Variants in KCNIP4 observed in about 807,000 individuals in gnomAD.
KCNIP4 encodes the protein potassium voltage-gated channel interacting protein 4, also known as Kv channel-interacting protein 4.
Under a neutral mutation model 34.0 loss-of-function variants are expected in KCNIP4, and 12 were observed. That is an observed-to-expected ratio of 0.35 (90% CI 0.23 to 0.57). KCNIP4 has a LOEUF of 0.57. Ranked by LOEUF, KCNIP4 falls within the 20% of genes least tolerant of loss-of-function variation. The pLI is 0.83. For missense variants in KCNIP4, 238 were observed against 311.7 expected (o/e 0.76, Z 1.78); for synonymous variants, 124 against 102.2 (o/e 1.21, Z -1.29).
At chr4:21,010,582 G>A in intron 1 of KCNIP4, among the ~76,000 whole-genome samples, 1 of 152,154 alleles carries the variant, frequency 6.6e-6, no homozygotes, top group Non-Finnish European at 1.5e-5. Flanking sequence ...TTGCAATCAA[G>A]TTAAGTGATC....
intron 1 of KCNIP4, among the ~76,000 whole-genome samples, chr4:21,465,796 AC>A (rs1183623558): frequency 6.6e-6 from 1 of 152,192 alleles, no homozygotes; most frequent in Non-Finnish European, 1.5e-5. Flanking sequence ...CATGCAAATA[AC>A]AATTCTTGGC....
intron 1 of KCNIP4, among the ~76,000 whole-genome samples, chr4:21,740,523 G>GC (rs1335092610): frequency 3.9e-5 from 6 of 152,130 alleles, no homozygotes; most frequent in Admixed American, 2.6e-4. Context: ...CAGAGAAGGA[G>GC]CCCCCCTTCA....
At chr4:20,737,447 A>G (rs1043516592) in intron 5 of KCNIP4, among the ~76,000 whole-genome samples, 4 of 151,292 alleles carry the variant, frequency 2.6e-5, no homozygotes, top group African/African-American at 9.7e-5. Flanking sequence ...AGTAAGAGTC[A>G]GAAATGGGCT....
intron 1 of KCNIP4, among the ~76,000 whole-genome samples, chr4:20,926,212 C>A (rs1187734924): frequency 6.6e-6 from 1 of 152,212 alleles, no homozygotes; most frequent in Non-Finnish European, 1.5e-5. Flanking sequence ...TTCAGGCCTG[C>A]TCTGTTAAGG....
At chr4:21,768,707 C>T (rs992191238) in intron 1 of KCNIP4, among the ~76,000 whole-genome samples, 1 of 152,040 alleles carries the variant, frequency 6.6e-6, no homozygotes, top group African/African-American at 2.4e-5. Context: ...AATTATTTCT[C>T]ATGGTACAAA....
intron 1 of KCNIP4, among the ~76,000 whole-genome samples, chr4:21,549,500 C>G (rs950467572): frequency 4.6e-5 from 7 of 151,936 alleles, no homozygotes; most frequent in Non-Finnish European, 1.0e-4. Flanking sequence ...ATATGACATG[C>G]CTGCTCCCCC....
intron 1 of KCNIP4, among the ~76,000 whole-genome samples, chr4:21,507,432 T>A (rs1192397866): frequency 6.6e-6 from 1 of 152,060 alleles, no homozygotes; most frequent in Non-Finnish European, 1.5e-5. Context: ...GACCAGCTAA[T>A]TTTTAGTAGA....
At chr4:21,016,445 G>C (rs1434532765) in intron 1 of KCNIP4, among the ~76,000 whole-genome samples, 1 of 151,096 alleles carries the variant, frequency 6.6e-6, no homozygotes, top group African/African-American at 2.4e-5. Flanking sequence ...ACAGGTGCCC[G>C]CCACCACGCC....
intron 1 of KCNIP4, among the ~76,000 whole-genome samples, chr4:20,977,767 A>G (rs1365648045): frequency 1.3e-5 from 2 of 152,206 alleles, no homozygotes; most frequent in African/African-American, 2.4e-5. Context: ...TTTAGTTTCT[A>G]GTCTCTACCT....
intron 1 of KCNIP4, among the ~76,000 whole-genome samples, chr4:21,344,984 A>G (rs1226083286): frequency 1.3e-5 from 2 of 152,206 alleles, no homozygotes; most frequent in Non-Finnish European, 2.9e-5. Flanking sequence ...ATACATCCAT[A>G]CTGTTTTCGA....
chr4:20,892,208 A>G (rs947112027), intron 1 of KCNIP4, among the ~76,000 whole-genome samples: 7 of 152,192 alleles, frequency 4.6e-5, no homozygotes, highest in African/African-American at 1.7e-4. Flanking sequence ...ATTATAAAAT[A>G]GTTTGTGTAT....
intron 1 of KCNIP4, among the ~76,000 whole-genome samples, chr4:21,328,558 AAG>A (rs1188647082): frequency 1.3e-5 from 2 of 152,164 alleles, no homozygotes; most frequent in Non-Finnish European, 2.9e-5. Context: ...TACTTTGCCC[AAG>A]GCCCACAGTA....
chr4:21,779,010 A>G (rs917609250), intron 1 of KCNIP4, among the ~76,000 whole-genome samples: 15 of 146,274 alleles, frequency 1.0e-4, no homozygotes, highest in African/African-American at 3.9e-4. Flanking sequence ...GTGTGTGGGC[A>G]TGAGAGAGAG....
chr4:21,333,657 T>C (rs562259673), intron 1 of KCNIP4, among the ~76,000 whole-genome samples: 3 of 152,070 alleles, frequency 2.0e-5, no homozygotes, highest in East Asian at 3.9e-4. Flanking sequence ...CTTGCTGACA[T>C]TTAACCATTA....
At chr4:21,942,996 C>T (rs1159576461) in intron 1 of KCNIP4, among the ~76,000 whole-genome samples, 6 of 152,094 alleles carry the variant, frequency 3.9e-5, no homozygotes, top group African/African-American at 7.2e-5. Context: ...TGACCTCAGG[C>T]GATCTGCCAG....
intron 1 of KCNIP4, among the ~76,000 whole-genome samples, chr4:21,321,713 G>T (rs1714437376): frequency 6.7e-6 from 1 of 149,680 alleles, no homozygotes; most frequent in African/African-American, 2.5e-5. Flanking sequence ...AAGGAGAGAA[G>T]GAAGGCAGGA....
chr4:21,234,313 T>TATATTATATATAAC (rs1553841610), intron 1 of KCNIP4, among the ~76,000 whole-genome samples: 1 of 69,278 alleles, frequency 1.4e-5, no homozygotes. Flanking sequence ...ATATATAACA[T>TATATTATATATAAC]ATATATAACA....
intron 1 of KCNIP4, among the ~76,000 whole-genome samples, chr4:21,355,990 G>A (rs998791587): frequency 1.3e-5 from 2 of 152,108 alleles, no homozygotes; most frequent in Non-Finnish European, 2.9e-5. Flanking sequence ...ATGCATGACT[G>A]GTTCAACATA....
chr4:21,577,753 G>T (rs1015523967), intron 1 of KCNIP4, among the ~76,000 whole-genome samples: 1 of 152,112 alleles, frequency 6.6e-6, no homozygotes, highest in African/African-American at 2.4e-5. Context: ...TCTTTGCCTT[G>T]ACCACCTAGT....
Sources: allele counts gnomAD v4.1 joint callset (sites outside exome capture counted in the v4.1 genomes callset), GRCh38; gene constraint gnomAD v4.1.1; transcripts MANE v1.5; gene names NCBI Gene and HGNC (gene_info 2026-07-23, HGNC 2026-07-21).